PPP1R11: variants seen among roughly 807,000 people sequenced by gnomAD.
The protein encoded by PPP1R11 is E3 ubiquitin-protein ligase PPP1R11.
In PPP1R11, 10 loss-of-function variants were observed where a neutral mutation model predicts 11.3. The ratio of observed to expected loss-of-function variants is 0.88; its 90% confidence interval spans 0.55 to 1.50. The LOEUF (loss-of-function observed/expected upper bound fraction) is 1.50, where lower values mean the gene tolerates loss of function less well. Among genes scored for constraint, PPP1R11 ranks in the 40% most tolerant of loss-of-function variants. PPP1R11 has a pLI of 0.00. For synonymous variants in PPP1R11, 56 were observed against 62.3 expected (o/e 0.90, Z 0.48); for missense variants, 114 against 179.1 (o/e 0.64, Z 2.07).
upstream of PPP1R11, chr6:30,067,157 A>C: frequency 2.2e-6 from 1 of 452,966 alleles, no homozygotes; most frequent in African/African-American, 2.0e-5. Context: ...GCTTTGACGC[A>C]TTTGGTGCCG....
upstream of PPP1R11, chr6:30,062,385 TC>T: frequency 7.9e-7 from 1 of 1,273,568 alleles, no homozygotes; most frequent in Non-Finnish European, 1.1e-6. Flanking sequence ...ACTAAACAAA[TC>T]CAGTGATTTA....
At chr6:30,064,728 C>A, upstream of PPP1R11, 1 of 1,603,060 alleles carries the variant, frequency 6.2e-7, no homozygotes, top group South Asian at 1.1e-5. Context: ...ACAGTCCCTC[C>A]CTCCTTTCGG....
intron 1 of PPP1R11, chr6:30,068,389 A>C: frequency 2.2e-6 from 1 of 456,050 alleles, no homozygotes; most frequent in South Asian, 4.7e-5. Context: ...CTGGTGGTAT[A>C]AGAACAGGAA....
upstream of PPP1R11, among the ~76,000 whole-genome samples, chr6:30,064,449 G>A (rs948772580): frequency 6.7e-6 from 1 of 149,738 alleles, no homozygotes; most frequent in Non-Finnish European, 1.5e-5. Flanking sequence ...TGCTTTCTGT[G>A]TCCTAAGAAA....
Position 30,067,239 on chromosome 6 carries a change from G to T in PPP1R11, c.-172G>T. 1.5e-6 allele frequency: 1 copy of T among 647,674 alleles called. No homozygotes were observed. The allele number at this position is 647,674 out of a possible 1,614,324, so 40.1% of individuals were successfully genotyped here. On this transcript the variant is annotated 5_prime_UTR_variant, in exon 1 of 3. Coordinates refer to ENST00000376772, the MANE Select transcript of PPP1R11 (RefSeq NM_021959.3). ...GCGAGCCGGAAGTGGGGTTAGCCAG[G>T]TTATCCCCAGGGGTGGAGAAGCGGA...
At chr6:30,066,446 A>T (rs1765532480), upstream of PPP1R11, among the ~76,000 whole-genome samples, 1 of 152,194 alleles carries the variant, frequency 6.6e-6, no homozygotes, top group South Asian at 2.1e-4. Context: ...ATTTACGACC[A>T]TTTCTCTGCT....
At chr6:30,061,964 G>C (rs1765114378), upstream of PPP1R11, 3 of 1,613,120 alleles carry the variant, frequency 1.9e-6, no homozygotes, top group Non-Finnish European at 2.5e-6. This position sits in a 1 kb window ranked among gnomAD's most constrained non-coding sequence, Gnocchi z 5.0. Context: ...CCACCAACTG[G>C]GGACAGCCAT....
chr6:30,062,482 T>A, upstream of PPP1R11: 1 of 563,404 alleles, frequency 1.8e-6, no homozygotes, highest in Admixed American at 3.0e-5. Context: ...TAGTTGTTTT[T>A]TATTTTTTTA....
chr6:30,062,247 T>C, upstream of PPP1R11: 1 of 1,612,982 alleles, frequency 6.2e-7, no homozygotes, highest in African/African-American at 1.3e-5. Flanking sequence ...GCCCTCGATG[T>C]GGTCATGAAG....
In PPP1R11 at chr6:30,069,531, G is replaced by C. The variant is rs1228895343; in HGVS notation, c.*225G>C. On this transcript the variant is annotated 3_prime_UTR_variant, in exon 3 of 3. Transcript: ENST00000376772. This position sits in a 1 kb window ranked among gnomAD's most constrained non-coding sequence, Gnocchi z 6.6. ...CAATACCCACCCTTCTCTCTCGAGG[G>C]ATCTAGGCACCTTGGTCCCAGTGTC... 1 of 448,050 alleles carries C rather than the reference G, an allele frequency of 2.2e-6. No homozygotes were observed. Among genetic ancestry groups the C allele is most frequent in the Non-Finnish European group, 3.9e-6 (1 of 255,012 alleles). The allele number at this position is 448,050 out of a possible 1,614,324, so 27.8% of individuals were successfully genotyped here.
chr6:30,063,028 T>C (rs1445054987), upstream of PPP1R11, among the ~76,000 whole-genome samples: 1 of 152,120 alleles, frequency 6.6e-6, no homozygotes, highest in Non-Finnish European at 1.5e-5. This position sits in a 1 kb window ranked among gnomAD's most constrained non-coding sequence, Gnocchi z 4.1. Context: ...GAACATGGGC[T>C]TTCTGAATGC....
the PPP1R11 span, chr6:30,061,619 C>A: frequency 3.7e-6 from 6 of 1,613,060 alleles, no homozygotes; most frequent in East Asian, 1.3e-4. The surrounding 1 kb of genome is among the most constrained non-coding windows in gnomAD (Gnocchi z 5.0). Flanking sequence ...CTGCCCGGGG[C>A]TCAGGATACG....
At position 30,067,423 on chromosome 6, in the gene PPP1R11, G is replaced by A; in HGVS notation, c.13G>A (p.Gly5Arg). ...CTGAGCCTTAGCCATGGCCGAGGCA[G>A]GGGCTGGGCTGAGCGAGACCGTCAC... MAEA[G>R]AGLSETVTET... Residue 5 changes from glycine to arginine, a missense_variant, in exon 1 of 3, where the codon GGG (glycine) becomes AGG (arginine). By Grantham distance (125) the Gly-to-Arg change is moderately radical. Transcript: ENST00000376772. The A allele has an allele frequency of 6.2e-7, 1 of 1,614,192 alleles. No homozygotes were observed. The highest frequency in any genetic ancestry group is 1.1e-5 in the South Asian group (1 of 91,084).
At chr6:30,064,772 T>C, upstream of PPP1R11, 1 of 1,346,022 alleles carries the variant, frequency 7.4e-7, no homozygotes, top group Non-Finnish European at 1.0e-6. Flanking sequence ...AGATGCCTTG[T>C]CCATCCTGTC....
At chr6:30,067,521 G>A in intron 1 of PPP1R11, 42 bp downstream of exon 1, 9 of 1,585,336 alleles carry the variant, frequency 5.7e-6, no homozygotes, top group Non-Finnish European at 7.8e-6. Context: ...GGGTCTGGGA[G>A]ATACTGGGAG....
intron 2 of PPP1R11, 129 bp downstream of exon 2, chr6:30,068,827 C>T: frequency 1.1e-6 from 1 of 874,386 alleles, no homozygotes; most frequent in Admixed American, 2.7e-5. Flanking sequence ...TTTGGTGGTG[C>T]TGTGGTATCA....
chr6:30,062,714 C>CCTTTTTTTTTTT (rs749507630), upstream of PPP1R11, among the ~76,000 whole-genome samples: 111 of 42,394 alleles, frequency 2.6e-3, 10 homozygotes, highest in East Asian at 0.018. Flanking sequence ...CCACGCCTGG[C>CCTTTTTTTTTTT]TTTTTTTTTT....
intron 1 of PPP1R11, among the ~76,000 whole-genome samples, chr6:30,067,969 A>G (rs1045966280): frequency 1.3e-5 from 2 of 152,216 alleles, no homozygotes; most frequent in African/African-American, 4.8e-5. Flanking sequence ...AAAGATGTAA[A>G]TGGAGAAACA....
chr6:30,067,674 G>C, intron 1 of PPP1R11, 195 bp downstream of exon 1: 2 of 642,956 alleles, frequency 3.1e-6, no homozygotes, highest in Non-Finnish European at 5.3e-6. Context: ...GGCAGGTCAA[G>C]GAACTTGTAA....
Sources: gnomAD v4.1 joint callset for allele counts (sites outside exome capture counted in the v4.1 genomes callset) on GRCh38, gnomAD v4.1.1 for gene constraint, Gnocchi (gnomAD v3.1) non-coding constraint, MANE v1.5 for transcripts, NCBI Gene and HGNC (gene_info 2026-07-23, HGNC 2026-07-21) for gene names.